LRFN5: variants seen among roughly 807,000 people sequenced by gnomAD.
LRFN5 encodes leucine-rich repeat and fibronectin type-III domain-containing protein 5.
A neutral mutation model predicts 45.6 loss-of-function variants in LRFN5; 24 were observed. The observed-to-expected ratio is 0.53, with a 90% confidence interval of 0.38 to 0.74. The LOEUF (loss-of-function observed/expected upper bound fraction) is 0.74. Among genes scored for constraint, LRFN5 ranks in the 30% least tolerant of loss-of-function variants. The pLI, the probability that LRFN5 is intolerant of heterozygous loss-of-function variation, is 0.00. For synonymous variants in LRFN5, 340 were observed against 313.8 expected (o/e 1.08, Z -0.88); for missense variants, 776 against 861.5 (o/e 0.90, Z 1.24).
rs1016488208 is a variant in LRFN5 at position 41,649,234 on chromosome 14, C to T, written c.-197+40672C>T. ...TGGGCAAAAGAGCGAGAGTCTGTCT[C>T]CCCACCACCCCCACCCCCCAAAAAA... On this transcript the variant is annotated intron_variant, in intron 1 of 5. Transcript: ENST00000298119. Among the ~76,000 whole-genome samples the T allele has an allele frequency of 4.0e-5, 6 of 151,246 alleles. No individual in the cohort carries two copies. The East Asian group carries it at 1.2e-3, about 30-fold the overall frequency.
chr14:41,754,264 T>G (rs1885274008), intron 1 of LRFN5, among the ~76,000 whole-genome samples: 1 of 152,160 alleles, frequency 6.6e-6, no homozygotes, highest in Non-Finnish European at 1.5e-5. Flanking sequence ...GGTATCAGGA[T>G]GATGCTGACC....
chr14:41,764,063 A>G (rs1885776788), intron 1 of LRFN5, among the ~76,000 whole-genome samples: 2 of 152,220 alleles, frequency 1.3e-5, no homozygotes, highest in Admixed American at 1.3e-4. Flanking sequence ...TAGAAAATGT[A>G]GTATTAGAAT....
At chr14:41,843,539 C>G (rs114489459) in intron 2 of LRFN5, among the ~76,000 whole-genome samples, 1,850 of 152,056 alleles carry the variant, frequency 0.012, 9 homozygotes, top group Middle Eastern at 0.034. Flanking sequence ...ATTCTAAAAA[C>G]TTTGTAGAAG....
intron 2 of LRFN5, among the ~76,000 whole-genome samples, chr14:41,884,966 A>G (rs893199924): frequency 6.6e-6 from 1 of 152,216 alleles, no homozygotes; most frequent in African/African-American, 2.4e-5. Flanking sequence ...ACTAGGCATG[A>G]CATTTCCAGG....
At chr14:41,892,325 G>T in intron 4 of LRFN5, 1 of 953,838 alleles carries the variant, frequency 1.0e-6, no homozygotes, top group African/African-American at 1.8e-5. Flanking sequence ...CTATATATAT[G>T]TATGTATGTA....
intron 2 of LRFN5, among the ~76,000 whole-genome samples, chr14:41,870,732 T>C (rs776655691): frequency 6.6e-6 from 1 of 152,180 alleles, no homozygotes; most frequent in Non-Finnish European, 1.5e-5. Flanking sequence ...GTACATACAA[T>C]ACAAACTGCC....
intron 1 of LRFN5, among the ~76,000 whole-genome samples, chr14:41,654,627 A>G (rs1186015580): frequency 6.6e-6 from 1 of 152,070 alleles, no homozygotes; most frequent in East Asian, 1.9e-4. Context: ...GGAAAACTCA[A>G]TACATTTTCA....
At chr14:41,635,772 C>A (rs887387275) in intron 1 of LRFN5, among the ~76,000 whole-genome samples, 3 of 152,102 alleles carry the variant, frequency 2.0e-5, no homozygotes, top group Admixed American at 6.6e-5. Flanking sequence ...ACTACTGCTT[C>A]AGTATAGGAC....
At chr14:41,755,626 TCCTC>T (rs1401511243) in intron 1 of LRFN5, among the ~76,000 whole-genome samples, 4 of 152,320 alleles carry the variant, frequency 2.6e-5, no homozygotes, top group African/African-American at 9.6e-5. Flanking sequence ...TGGTAGATCT[TCCTC>T]CATCCCTTTA....
intron 1 of LRFN5, among the ~76,000 whole-genome samples, chr14:41,747,625 T>C (rs1192680584): frequency 6.6e-6 from 1 of 151,980 alleles, no homozygotes; most frequent in East Asian, 1.9e-4. Context: ...GTTTATTGAA[T>C]ATGACAGCAG....
intron 1 of LRFN5, among the ~76,000 whole-genome samples, chr14:41,710,591 A>T (rs181510537): frequency 2.3e-5 from 2 of 85,982 alleles, no homozygotes; most frequent in Admixed American, 2.7e-4. Context: ...AAGGGATAAA[A>T]CAAATTAAAA....
intron 1 of LRFN5, among the ~76,000 whole-genome samples, chr14:41,716,674 C>G (rs1204926019): frequency 6.6e-6 from 1 of 152,172 alleles, no homozygotes; most frequent in Non-Finnish European, 1.5e-5. Context: ...CAACAAGTCT[C>G]TAGGAAGTGC....
intron 1 of LRFN5, among the ~76,000 whole-genome samples, chr14:41,642,654 T>C (rs1879632357): frequency 6.6e-6 from 1 of 152,160 alleles, no homozygotes; most frequent in Admixed American, 6.6e-5. Flanking sequence ...ACTCCTGCTT[T>C]TGCATTCATA....
intron 2 of LRFN5, among the ~76,000 whole-genome samples, chr14:41,864,676 A>G (rs1334986197): frequency 3.9e-5 from 6 of 152,174 alleles, no homozygotes; most frequent in African/African-American, 1.2e-4. Flanking sequence ...TAGGATGAAC[A>G]CAATTCAACC....
chr14:41,641,888 T>A (rs928082883), intron 1 of LRFN5, among the ~76,000 whole-genome samples: 2 of 152,132 alleles, frequency 1.3e-5, no homozygotes, highest in African/African-American at 2.4e-5. Flanking sequence ...TGAAAATGAG[T>A]GCATCAGCAT....
chr14:41,728,949 G>A (rs750316457), intron 1 of LRFN5, among the ~76,000 whole-genome samples: 19 of 149,742 alleles, frequency 1.3e-4, no homozygotes, highest in African/African-American at 3.2e-4. Context: ...ATTTAAAAAC[G>A]TCCCTTCAGC....
chr14:41,872,707 C>A (rs1890057981), intron 2 of LRFN5, among the ~76,000 whole-genome samples: 1 of 152,144 alleles, frequency 6.6e-6, no homozygotes, highest in African/African-American at 2.4e-5. Context: ...GTGTAAGCAG[C>A]CTGCTGTGAA....
chr14:41,712,674 G>T (rs997341885), intron 1 of LRFN5, among the ~76,000 whole-genome samples: 3 of 152,080 alleles, frequency 2.0e-5, no homozygotes, highest in Non-Finnish European at 4.4e-5. Flanking sequence ...AGAAAGAGAA[G>T]GTGATTACTA....
chr14:41,710,743 A>T (rs1438587322), intron 1 of LRFN5, among the ~76,000 whole-genome samples: 1 of 152,062 alleles, frequency 6.6e-6, no homozygotes, highest in Non-Finnish European at 1.5e-5. Context: ...TACATTAGGT[A>T]TATCTCCTAA....
Sources: allele counts gnomAD v4.1 joint callset (sites outside exome capture counted in the v4.1 genomes callset), GRCh38; gene constraint gnomAD v4.1.1; transcripts MANE v1.5; gene names NCBI Gene and HGNC (gene_info 2026-07-23, HGNC 2026-07-21).